TMEM63B: variants seen among roughly 807,000 people sequenced by gnomAD.
TMEM63B encodes the protein mechanosensitive cation channel TMEM63B.
A neutral mutation model predicts 102.6 loss-of-function variants in TMEM63B; 23 were observed. The ratio of observed to expected loss-of-function variants is 0.22; its 90% CI spans 0.16 to 0.32. TMEM63B has a LOEUF of 0.32. TMEM63B is among the 10% of genes least tolerant of loss of function. The pLI is 1.00. For missense variants in TMEM63B, 628 were observed against 1,095.9 expected (o/e 0.57, Z 6.03); for synonymous variants, 444 against 437.0 (o/e 1.02, Z -0.20).
chr6:44,135,374 G>A lies in TMEM63B; in HGVS notation c.278+8G>A. On this transcript the variant is annotated splice_region_variant and intron_variant, in intron 4 of 23. Coordinates refer to ENST00000323267, the MANE Select transcript of TMEM63B (RefSeq NM_018426.3). Reference sequence around the variant, plus strand: ...CCGAGTGGAACAGGAATAGTATGTGGGGCACCAGCCCCCTCATTCCCACTA... The same window carrying A: ...CCGAGTGGAACAGGAATAGTATGTGAGGCACCAGCCCCCTCATTCCCACTA... 1.2e-6 allele frequency: 2 copies of A among 1,609,604 alleles called. No homozygotes were observed. Among genetic ancestry groups the A allele is most frequent in the Non-Finnish European group, 1.7e-6 (2 of 1,176,996 alleles).
chr6:44,144,715 G>C (rs1764993262), intron 10 of TMEM63B, among the ~76,000 whole-genome samples: 2 of 151,888 alleles, frequency 1.3e-5, no homozygotes, highest in Admixed American at 1.3e-4. Context: ...TCCTGCCTCA[G>C]ACTCCCGAGT....
chr6:44,126,768 G>C (rs985036678), upstream of TMEM63B: 1 of 152,204 alleles, frequency 6.6e-6, no homozygotes, highest in Non-Finnish European at 1.5e-5. Flanking sequence ...TATATAGAAA[G>C]AGTCTCAGTC....
chr6:44,148,735 C>T lies in TMEM63B; in HGVS notation c.1260-57C>T. 6.2e-7 allele frequency: 1 copy of T among 1,611,100 alleles called. No homozygotes were observed. The highest frequency in any genetic ancestry group is 8.5e-7 in the Non-Finnish European group (1 of 1,177,666). On this transcript the variant is annotated intron_variant, in intron 14 of 23. Coordinates refer to ENST00000323267, the MANE Select transcript of TMEM63B (RefSeq NM_018426.3). The surrounding 1 kb of genome is among the most constrained non-coding windows in gnomAD (Gnocchi z 5.1). Reference sequence around the variant, plus strand: ...CGGAGGAGAGGGAGTGTCTTGGTGTCACTGGGGGCCAATCCTGCCCTTGGT... The same window carrying T: ...CGGAGGAGAGGGAGTGTCTTGGTGTTACTGGGGGCCAATCCTGCCCTTGGT...
chr6:44,138,629 A>G (rs559714492), intron 6 of TMEM63B, 112 bp downstream of exon 6: 1 of 1,263,396 alleles, frequency 7.9e-7, no homozygotes, highest in Non-Finnish European at 1.1e-6. Context: ...CCTCGCCAGC[A>G]CAGCACCCTC....
At chr6:44,153,951 G>GT (rs1284483444) in intron 21 of TMEM63B, 108 bp downstream of exon 21, 31 of 1,561,026 alleles carry the variant, frequency 2.0e-5, no homozygotes, top group African/African-American at 2.7e-5. Flanking sequence ...AAGGGGCCTG[G>GT]GAGAGGCTGG....
chr6:44,147,017 AT>A, intron 11 of TMEM63B, 90 bp downstream of exon 11: 1 of 1,407,056 alleles, frequency 7.1e-7, no homozygotes, highest in African/African-American at 1.4e-5. Flanking sequence ...CCCCTTCTAG[AT>A]TTTTTCCTAG....
At chr6:44,140,137 G>A in intron 8 of TMEM63B, 115 bp from the exon 9 acceptor site, 1 of 791,962 alleles carries the variant, frequency 1.3e-6, no homozygotes, top group East Asian at 2.5e-5. Flanking sequence ...CCAGAAGGCT[G>A]GTGGCAGTAG....
At position 44,152,495 on chromosome 6, in the gene TMEM63B, GC is replaced by G; in HGVS notation, c.1837-94del. On this transcript the variant is annotated intron_variant, in intron 19 of 23. Transcript: ENST00000323267. The surrounding 1 kb of genome is among the most constrained non-coding windows in gnomAD (Gnocchi z 6.4). Reference sequence around the variant, plus strand: ...CCTGTTCCCCATGGCTTCTTTTCCGGCCCCAGAGGTCCTGGCTCCCTTCCCC... The same window carrying G: ...CCTGTTCCCCATGGCTTCTTTTCCGGCCCAGAGGTCCTGGCTCCCTTCCCC... 2 of 897,324 alleles carry G rather than the reference GC, an allele frequency of 2.2e-6. No individual in the cohort carries two copies. Among genetic ancestry groups the G allele is most frequent in the Non-Finnish European group, 1.8e-6 (1 of 557,920 alleles). The allele number at this position is 897,324 out of a possible 1,614,324, so 55.6% of individuals were successfully genotyped here.
rs1160380193 is a variant in TMEM63B, at chr6:44,131,736, C to CA, written c.-24-2825_-24-2824insA. On this transcript the variant is annotated intron_variant, in intron 1 of 23. Transcript: ENST00000323267. ...CCGTCTCAAAAAAATACACAACAAC[C>CA]CCCCCAAAAAAAAGCTTATAAGTTA... 1.3e-5 allele frequency among the ~76,000 whole-genome samples: 2 copies of CA among 149,652 alleles called. 1 individual carries two copies.
intron 18 of TMEM63B, 52 bp from the exon 19 acceptor site, chr6:44,151,794 C>T (rs1214342370): frequency 4.6e-6 from 7 of 1,526,388 alleles, no homozygotes; most frequent in South Asian, 2.6e-5. Context: ...AGTGGGCGGG[C>T]GGCCACCGGG....
intron 11 of TMEM63B, among the ~76,000 whole-genome samples, 161 bp from the exon 12 acceptor site, chr6:44,147,216 T>C (rs1371142081): frequency 6.6e-6 from 1 of 152,084 alleles, no homozygotes; most frequent in Non-Finnish European, 1.5e-5. Context: ...CTTCTGGCCC[T>C]CTAGGGATGG....
intron 20 of TMEM63B, among the ~76,000 whole-genome samples, chr6:44,153,252 C>T (rs1039356069): frequency 8.5e-5 from 13 of 152,200 alleles, no homozygotes; most frequent in African/African-American, 2.7e-4. Flanking sequence ...CATCCTAACT[C>T]CTTAACCAAC....
chr6:44,154,627 C>T (rs1416610071), intron 23 of TMEM63B, 65 bp from the exon 24 acceptor site: 1 of 1,509,656 alleles, frequency 6.6e-7, no homozygotes, highest in East Asian at 2.3e-5. Context: ...CCTACATGCC[C>T]TGGTGTTCCC....
At chr6:44,140,424 C>A (rs867793906) in intron 9 of TMEM63B, 64 bp downstream of exon 9, 4 of 1,335,732 alleles carry the variant, frequency 3.0e-6, no homozygotes, top group Middle Eastern at 3.6e-4. Flanking sequence ...TCCCTGCAGG[C>A]CTCTTTTGTC....
At position 44,147,468 on chromosome 6, in the gene TMEM63B, C is replaced by T. The variant is rs1322723396; in HGVS notation, c.955C>T (p.Leu319Phe). Residue 319 changes from leucine to phenylalanine, a missense_variant, in exon 12 of 24, where the codon CTC (leucine) becomes TTC (phenylalanine). Coordinates refer to ENST00000323267, the MANE Select transcript of TMEM63B (RefSeq NM_018426.3). Reference sequence around the variant, plus strand: ...GATCAACCCCAAGCCCTGTGGCCACCTCTGCTGCTGTGTGGTGCGAGGCTG... The same window carrying T: ...GATCAACCCCAAGCCCTGTGGCCACTTCTGCTGCTGTGTGGTGCGAGGCTG... ...TMINPKPCGH[L>F]CCCVVRGCEQ... is the part of the protein sequence containing the mutation. 3 of 1,614,198 alleles carry T rather than the reference C, an allele frequency of 1.9e-6. No homozygotes were observed. The highest frequency in any genetic ancestry group is 1.7e-5 in the Admixed American group (1 of 60,030).
chr6:44,132,354 A>C, intron 1 of TMEM63B: 1 of 984,326 alleles, frequency 1.0e-6, no homozygotes, highest in Non-Finnish European at 1.2e-6. Context: ...TTCATGTAGA[A>C]GCTTCCAAAA....
At chr6:44,138,251 A>C in intron 5 of TMEM63B, 1 of 536,326 alleles carries the variant, frequency 1.9e-6, no homozygotes, top group African/African-American at 1.9e-5. Flanking sequence ...ATGGGGATTC[A>C]CAGATAAACC....
At chr6:44,140,052 A>G (rs2128237456) in intron 8 of TMEM63B, among the ~76,000 whole-genome samples, 200 bp from the exon 9 acceptor site, 1 of 152,290 alleles carries the variant, frequency 6.6e-6, no homozygotes, top group South Asian at 2.1e-4. Flanking sequence ...CCTATCAGGG[A>G]TATTTTCATT....
intron 1 of TMEM63B, among the ~76,000 whole-genome samples, chr6:44,128,323 C>G (rs1026121688): frequency 6.6e-6 from 1 of 152,142 alleles, no homozygotes; most frequent in African/African-American, 2.4e-5. Flanking sequence ...GCGCCCCACA[C>G]AGTGCAGTTC....
Sources: allele counts gnomAD v4.1 joint callset (sites outside exome capture counted in the v4.1 genomes callset), GRCh38; gene constraint gnomAD v4.1.1; non-coding constraint Gnocchi (gnomAD v3.1); transcripts MANE v1.5; gene names NCBI Gene and HGNC (gene_info 2026-07-23, HGNC 2026-07-21).